The following EPHA3 variants were observed in gnomAD, a reference collection of about 807,000 sequenced individuals.
The protein encoded by EPHA3 is EPH receptor A3, also known as ephrin type-A receptor 3.
A neutral mutation model predicts 107.1 loss-of-function variants in EPHA3; 42 were observed. The observed-to-expected ratio is 0.39, with a 90% confidence interval of 0.31 to 0.51. The LOEUF (loss-of-function observed/expected upper bound fraction) is 0.51. Ranked by LOEUF, EPHA3 falls within the 20% of genes least tolerant of loss-of-function variation. The pLI, the probability that EPHA3 is intolerant of heterozygous loss-of-function variation, is 0.78. For synonymous variants in EPHA3, 461 were observed against 424.8 expected, an observed-to-expected ratio of 1.09 and a Z score of -1.05; for missense variants, 1,183 against 1,211.2, an observed-to-expected ratio of 0.98 and a Z score of 0.35.
chr3:89,414,476 T>G (rs546805468), intron 10 of EPHA3, among the ~76,000 whole-genome samples: 1 of 151,838 alleles, frequency 6.6e-6, no homozygotes, highest in South Asian at 2.1e-4. Flanking sequence ...TTGTTTACTC[T>G]GTTTCATTTC....
intron 3 of EPHA3, among the ~76,000 whole-genome samples, chr3:89,337,100 C>A (rs745639985): frequency 1.3e-5 from 2 of 151,656 alleles, no homozygotes; most frequent in African/African-American, 2.4e-5. Context: ...AATCCTAAAT[C>A]CTAGAGAAAG....
intron 2 of EPHA3, among the ~76,000 whole-genome samples, chr3:89,203,324 T>TAAAA (rs138552890): frequency 2.2e-5 from 3 of 138,352 alleles, no homozygotes; most frequent in African/African-American, 8.1e-5. Flanking sequence ...TAGCCGGAAT[T>TAAAA]AAAAAAAAAA....
rs187521734 is a variant in EPHA3, at chr3:89,166,486, G to C, written c.153+39213G>C. 1.8e-3 allele frequency among the ~76,000 whole-genome samples: 280 copies of C among 151,994 alleles called. 1 individual carries two copies. The highest frequency in any genetic ancestry group is 7.9e-4 in the Admixed American group (12 of 15,270). The stretch of plus-strand genomic sequence containing the variant: ...TAAATTATAATAATTGTTTTTTTCT[G>C]ATTTTTTACTCTGATAACCATGTTA... On this transcript the variant is annotated intron_variant, in intron 2 of 16. Transcript: ENST00000336596.
chr3:89,203,245 G>GT (rs951565289), intron 2 of EPHA3, among the ~76,000 whole-genome samples: 1 of 145,180 alleles, frequency 6.9e-6, no homozygotes, highest in Non-Finnish European at 1.5e-5. Flanking sequence ...TTTTGGTTTT[G>GT]TTTTTGTTGT....
intron 1 of EPHA3, among the ~76,000 whole-genome samples, chr3:89,117,684 A>G (rs1480095097): frequency 1.3e-5 from 2 of 152,124 alleles, no homozygotes; most frequent in Non-Finnish European, 2.9e-5. Context: ...GAATAAATAT[A>G]TACCTTTTGA....
At chr3:89,176,216 T>C (rs931639294) in intron 2 of EPHA3, among the ~76,000 whole-genome samples, 3 of 152,102 alleles carry the variant, frequency 2.0e-5, no homozygotes, top group Non-Finnish European at 4.4e-5. Flanking sequence ...ACATGGTGGC[T>C]CACAACTGTA....
At chr3:89,383,549 T>C (rs1409468786) in intron 5 of EPHA3, among the ~76,000 whole-genome samples, 1 of 149,800 alleles carries the variant, frequency 6.7e-6, no homozygotes, top group Admixed American at 6.7e-5. Flanking sequence ...TGACCCTCAC[T>C]CAGAACAGAT....
chr3:89,201,365 C>G (rs1483874731), intron 2 of EPHA3, among the ~76,000 whole-genome samples: 3 of 151,852 alleles, frequency 2.0e-5, no homozygotes, highest in Non-Finnish European at 4.4e-5. Flanking sequence ...ACAGAGCCAA[C>G]GGTTAGAAAA....
intron 3 of EPHA3, among the ~76,000 whole-genome samples, chr3:89,316,908 G>A (rs1402092560): frequency 2.6e-5 from 4 of 151,520 alleles, no homozygotes; most frequent in Non-Finnish European, 4.4e-5. Flanking sequence ...CTTTGAGGGA[G>A]ATATTTTTGT....
intron 10 of EPHA3, among the ~76,000 whole-genome samples, chr3:89,417,360 G>A (rs1216057969): frequency 1.7e-4 from 25 of 151,436 alleles, no homozygotes; most frequent in African/African-American, 5.8e-4. Context: ...CAAGTGACAT[G>A]TCACTTAGAA....
At chr3:89,212,546 A>G (rs1479305519) in intron 3 of EPHA3, among the ~76,000 whole-genome samples, 2 of 151,740 alleles carry the variant, frequency 1.3e-5, no homozygotes, top group African/African-American at 4.8e-5. Flanking sequence ...TCTTTTTAAG[A>G]TTGGAAGTGT....
chr3:89,410,054 C>T (rs1709128723), intron 9 of EPHA3, among the ~76,000 whole-genome samples: 1 of 151,900 alleles, frequency 6.6e-6, no homozygotes, highest in African/African-American at 2.4e-5. Flanking sequence ...GATTATGTGC[C>T]TCGCAGCCTG....
intron 3 of EPHA3, among the ~76,000 whole-genome samples, chr3:89,227,002 G>C (rs527534095): frequency 1.3e-5 from 2 of 152,084 alleles, no homozygotes; most frequent in South Asian, 4.1e-4. Flanking sequence ...GGCAGACAGA[G>C]AGCACATACA....
intron 2 of EPHA3, among the ~76,000 whole-genome samples, chr3:89,133,407 C>G (rs371325212): frequency 5.9e-5 from 9 of 152,134 alleles, no homozygotes; most frequent in African/African-American, 2.2e-4. Context: ...AAAGTAGGAA[C>G]CATTACAATC....
intron 3 of EPHA3, among the ~76,000 whole-genome samples, chr3:89,247,171 C>T (rs1267182658): frequency 1.3e-5 from 2 of 152,058 alleles, no homozygotes; most frequent in African/African-American, 4.8e-5. Context: ...AGGGAGAAGA[C>T]AAATAAAGTA....
At chr3:89,176,103 T>A (rs1273570254) in intron 2 of EPHA3, among the ~76,000 whole-genome samples, 1 of 152,222 alleles carries the variant, frequency 6.6e-6, no homozygotes, top group Admixed American at 6.5e-5. Flanking sequence ...GTGATACACA[T>A]CTCAATATAT....
rs557191829 is a variant in EPHA3 at position 89,400,724 on chromosome 3, G to A, written c.1594+1244G>A. 1.6e-3 allele frequency among the ~76,000 whole-genome samples: 240 copies of A among 151,868 alleles called. 2 individuals carry two copies. The highest frequency in any genetic ancestry group is 5.2e-3 in the African/African-American group (217 of 41,406). On this transcript the variant is annotated intron_variant, in intron 7 of 16. Transcript: ENST00000336596. ...CCCACACTGGTTAATATCCAATGAG[G>A]GTAATAAATGTAATGATTGAGGTCA...
At chr3:89,266,322 A>C (rs191450770) in intron 3 of EPHA3, among the ~76,000 whole-genome samples, 14 of 152,236 alleles carry the variant, frequency 9.2e-5, no homozygotes, top group African/African-American at 3.4e-4. Flanking sequence ...CCTTACTCTT[A>C]ATTACTACAC....
chr3:89,428,089 A>T (rs1709493759), intron 11 of EPHA3, among the ~76,000 whole-genome samples: 1 of 151,994 alleles, frequency 6.6e-6, no homozygotes, highest in South Asian at 2.1e-4. Flanking sequence ...AACTGACTAA[A>T]TCATTATCTG....
Sources: gnomAD v4.1 joint callset for allele counts (sites outside exome capture counted in the v4.1 genomes callset) on GRCh38, gnomAD v4.1.1 for gene constraint, MANE v1.5 for transcripts, NCBI Gene and HGNC (gene_info 2026-07-23, HGNC 2026-07-21) for gene names.